The following VGLL4 variants were observed in gnomAD, a reference collection of about 807,000 sequenced individuals.
The protein encoded by VGLL4 is transcription cofactor vestigial-like protein 4.
VGLL4 carries 7 observed loss-of-function variants against 21.0 expected under a neutral mutation model. The ratio of observed to expected loss-of-function variants is 0.33; its 90% CI spans 0.19 to 0.63. VGLL4 has a LOEUF of 0.63. VGLL4 is among the 20% of genes least tolerant of loss of function. The probability of loss-of-function intolerance (pLI) is 0.78; values close to 1 mark genes in which losing one functional copy is unlikely to be tolerated. For synonymous variants in VGLL4, 222 were observed against 173.2 expected (o/e 1.28, Z -2.21); for missense variants, 394 against 425.7 (o/e 0.93, Z 0.66).
intron 1 of VGLL4, among the ~76,000 whole-genome samples, chr3:11,618,038 A>G (rs906224834): frequency 2.6e-5 from 4 of 152,250 alleles, no homozygotes; most frequent in African/African-American, 9.6e-5. Context: ...TTCAACAGAC[A>G]TTTCCTAAAA....
At chr3:11,622,202 A>G (rs1243216935) in intron 1 of VGLL4, among the ~76,000 whole-genome samples, 2 of 152,196 alleles carry the variant, frequency 1.3e-5, no homozygotes, top group Non-Finnish European at 2.9e-5. Flanking sequence ...AAGCTTACGA[A>G]TTTGATTACA....
intron 1 of VGLL4, among the ~76,000 whole-genome samples, chr3:11,718,404 A>G (rs967581061): frequency 1.3e-5 from 2 of 152,200 alleles, no homozygotes; most frequent in Non-Finnish European, 2.9e-5. Flanking sequence ...CACCACAGGG[A>G]CAGCTTTACT....
intron 2 of VGLL4, among the ~76,000 whole-genome samples, chr3:11,566,715 C>T (rs2073549383): frequency 6.6e-6 from 1 of 152,166 alleles, no homozygotes; most frequent in Non-Finnish European, 1.5e-5. Context: ...ACCACAGCTG[C>T]AGTGTAGAAT....
intron 2 of VGLL4, among the ~76,000 whole-genome samples, chr3:11,649,073 T>A (rs769649319): frequency 2.5e-4 from 38 of 152,228 alleles, no homozygotes; most frequent in Admixed American, 7.2e-4. Flanking sequence ...AAGATGCTTA[T>A]CATACAGCTA....
intron 2 of VGLL4, among the ~76,000 whole-genome samples, chr3:11,672,507 C>T (rs1317776259): frequency 1.3e-5 from 2 of 152,164 alleles, no homozygotes; most frequent in Non-Finnish European, 2.9e-5. Flanking sequence ...ATGAGTCTTC[C>T]AGCACAGATG....
At chr3:11,703,613 TAA>T (rs2076714754) in intron 1 of VGLL4, among the ~76,000 whole-genome samples, 1 of 152,244 alleles carries the variant, frequency 6.6e-6, no homozygotes. Flanking sequence ...TGTTTTTTAA[TAA>T]GACTGGATTT....
intron 2 of VGLL4, among the ~76,000 whole-genome samples, chr3:11,663,375 C>A (rs1389812053): frequency 6.6e-6 from 1 of 152,206 alleles, no homozygotes; most frequent in Non-Finnish European, 1.5e-5. Context: ...AGAACAAATT[C>A]ATCCAATTCA....
intron 1 of VGLL4, among the ~76,000 whole-genome samples, chr3:11,621,509 T>A (rs1289225902): frequency 6.6e-6 from 1 of 152,252 alleles, no homozygotes; most frequent in East Asian, 1.9e-4. Flanking sequence ...AGTACTATAT[T>A]TCTTCATATT....
At chr3:11,622,997 A>C (rs1377733369) in intron 1 of VGLL4, among the ~76,000 whole-genome samples, 1 of 152,192 alleles carries the variant, frequency 6.6e-6, no homozygotes, top group Non-Finnish European at 1.5e-5. Context: ...CAAATATCTT[A>C]AATAGCTGAG....
At chr3:11,686,126 C>G (rs1276568624) in intron 2 of VGLL4, among the ~76,000 whole-genome samples, 1 of 152,144 alleles carries the variant, frequency 6.6e-6, no homozygotes, top group African/African-American at 2.4e-5. Flanking sequence ...TAGGGCAGTT[C>G]CTCAAAAAAT....
At chr3:11,618,681 A>T (rs2075210039) in intron 1 of VGLL4, among the ~76,000 whole-genome samples, 1 of 152,236 alleles carries the variant, frequency 6.6e-6, no homozygotes. Context: ...GAGACTATTA[A>T]ATAATAAAGT....
At chr3:11,716,968 TCA>T (rs1048000356) in intron 1 of VGLL4, among the ~76,000 whole-genome samples, 29 of 152,100 alleles carry the variant, frequency 1.9e-4, no homozygotes, top group African/African-American at 5.1e-4. Flanking sequence ...ATTTCTTAAC[TCA>T]CACACACAAA....
chr3:11,674,642 A>G (rs930229117), intron 2 of VGLL4, among the ~76,000 whole-genome samples: 2 of 152,196 alleles, frequency 1.3e-5, no homozygotes, highest in South Asian at 2.1e-4. Flanking sequence ...TCTGTGAGAT[A>G]AAACAGAAAC....
chr3:11,697,046 C>T (rs758388243), intron 2 of VGLL4, among the ~76,000 whole-genome samples: 1 of 151,948 alleles, frequency 6.6e-6, no homozygotes, highest in Non-Finnish European at 1.5e-5. Context: ...TGAGCCAGTA[C>T]TGTCTCTTAA....
At chr3:11,603,899 G>C (rs2074866411) in intron 1 of VGLL4, among the ~76,000 whole-genome samples, 1 of 152,222 alleles carries the variant, frequency 6.6e-6, no homozygotes, top group Non-Finnish European at 1.5e-5. Context: ...GACGCGGAAA[G>C]CAAAACCCTT....
At chr3:11,562,312 C>T (rs933688015) in intron 3 of VGLL4, among the ~76,000 whole-genome samples, 1 of 152,162 alleles carries the variant, frequency 6.6e-6, no homozygotes, top group African/African-American at 2.4e-5. Flanking sequence ...TGGGGGGACA[C>T]TTTCTGTAGC....
chr3:11,711,024 C>T (rs1438250135), intron 1 of VGLL4, among the ~76,000 whole-genome samples: 6 of 151,322 alleles, frequency 4.0e-5, no homozygotes, highest in Middle Eastern at 3.5e-3. Flanking sequence ...CACTCGAACC[C>T]GGGAGGCGGA....
chr3:11,625,398 A>G (rs1023351447), intron 1 of VGLL4, among the ~76,000 whole-genome samples: 10 of 152,252 alleles, frequency 6.6e-5, no homozygotes, highest in Non-Finnish European at 1.5e-4. Flanking sequence ...ATTTGGTTCT[A>G]AGGTCTTTGA....
At chr3:11,576,370 T>A (rs2074045336) in intron 2 of VGLL4, among the ~76,000 whole-genome samples, 1 of 152,282 alleles carries the variant, frequency 6.6e-6, no homozygotes, top group African/African-American at 2.4e-5. Context: ...TAATTTGTAG[T>A]TGTTTTTGTC....
Sources: gnomAD v4.1 joint callset for allele counts (sites outside exome capture counted in the v4.1 genomes callset) on GRCh38, gnomAD v4.1.1 for gene constraint, MANE v1.5 for transcripts, NCBI Gene and HGNC (gene_info 2026-07-23, HGNC 2026-07-21) for gene names.